PRKCB: variants seen among roughly 807,000 people sequenced by gnomAD.
The protein encoded by PRKCB is protein kinase C beta type.
Under a neutral mutation model 81.5 loss-of-function variants are expected in PRKCB, and 13 were observed. That is an observed-to-expected ratio of 0.16 (90% confidence interval 0.10 to 0.25). PRKCB has a LOEUF of 0.25. Among genes scored for constraint, PRKCB ranks in the 10% least tolerant of loss-of-function variants. PRKCB has a pLI of 1.00. For missense variants in PRKCB, 509 were observed against 875.7 expected, an observed-to-expected ratio of 0.58 and a Z score of 5.29; for synonymous variants, 335 against 321.4, an observed-to-expected ratio of 1.04 and a Z score of -0.45.
chr16:24,105,699 C>T (rs1966567739), intron 7 of PRKCB, among the ~76,000 whole-genome samples: 2 of 152,202 alleles, frequency 1.3e-5, no homozygotes, highest in African/African-American at 2.4e-5. Flanking sequence ...CTGCAAAGGA[C>T]ATGAACTCAT....
intron 9 of PRKCB, among the ~76,000 whole-genome samples, chr16:24,131,959 T>C (rs1454340176): frequency 2.0e-5 from 3 of 152,172 alleles, no homozygotes; most frequent in Non-Finnish European, 4.4e-5. Flanking sequence ...TTACAAAAAG[T>C]CTCTGTTCAT....
At chr16:24,031,396 C>A (rs1247251054) in intron 3 of PRKCB, among the ~76,000 whole-genome samples, 1 of 152,070 alleles carries the variant, frequency 6.6e-6, no homozygotes, top group Non-Finnish European at 1.5e-5. Context: ...ATCTTTGAAC[C>A]AGTGGGGAGA....
chr16:23,923,169 GA>G (rs772720703), intron 2 of PRKCB, among the ~76,000 whole-genome samples: 1 of 152,186 alleles, frequency 6.6e-6, no homozygotes, highest in Middle Eastern at 3.4e-3. Flanking sequence ...GCTTAATTCA[GA>G]AGGGAATTTA....
At position 24,037,686 on chromosome 16, in the gene PRKCB, A is replaced by G. The variant is rs180842172; in HGVS notation, c.529+2139A>G. 2.8e-4 allele frequency among the ~76,000 whole-genome samples: 42 copies of G among 152,170 alleles called. No individual in the cohort carries two copies. In the East Asian group the frequency reaches 7.7e-3, roughly 28 times the overall value. On this transcript the variant is annotated intron_variant, in intron 5 of 16. Coordinates refer to ENST00000643927, the MANE Select transcript of PRKCB (RefSeq NM_002738.7). The stretch of plus-strand genomic sequence containing the variant: ...CTTTGTTCTGATGTGGTACAGTACA[A>G]TATTTCTTCAAGTTCAAGGTCAAAG...
chr16:23,997,690 C>T (rs1596503955), intron 3 of PRKCB, among the ~76,000 whole-genome samples: 2 of 152,172 alleles, frequency 1.3e-5, no homozygotes, highest in East Asian at 1.9e-4. Flanking sequence ...ATTTTTATGT[C>T]TTAGTATTTA....
At chr16:24,009,586 G>A (rs1051576855) in intron 3 of PRKCB, among the ~76,000 whole-genome samples, 1 of 137,938 alleles carries the variant, frequency 7.2e-6, no homozygotes, top group Admixed American at 7.0e-5. Flanking sequence ...CACCACGCCC[G>A]GCCTATTTTT....
intron 5 of PRKCB, among the ~76,000 whole-genome samples, chr16:24,049,356 A>T (rs1377110428): frequency 2.9e-4 from 32 of 108,478 alleles, no homozygotes; most frequent in Middle Eastern, 6.3e-3. Context: ...CCTGCACCTT[A>T]ACCACTACCC....
In PRKCB at chr16:24,219,006, T is replaced by G. The variant is rs1448300473; in HGVS notation, c.*4190T>G. On this transcript the variant is annotated 3_prime_UTR_variant, in exon 17 of 17. Coordinates refer to ENST00000643927, the MANE Select transcript of PRKCB (RefSeq NM_002738.7). ...TATGTCATATATAGGAGGTGAGGAC[T>G]CCAGCTCCACCTGCCCCAGGTGGGT... The G allele has an allele frequency of 2.0e-6, 2 of 985,082 alleles. No individual in the cohort carries two copies. Among genetic ancestry groups the G allele is most frequent in the Non-Finnish European group, 2.4e-6 (2 of 829,780 alleles). 61.0% of individuals were successfully genotyped at this position (985,082 alleles called of 1,614,324 possible). A position where few individuals can be genotyped will look rare whatever the true frequency, so the allele number is the denominator to read the frequency against.
intron 2 of PRKCB, among the ~76,000 whole-genome samples, chr16:23,935,273 T>C (rs1964042672): frequency 6.6e-6 from 1 of 152,184 alleles, no homozygotes; most frequent in South Asian, 2.1e-4. Flanking sequence ...GCTCTCCAGG[T>C]GACTGTCATC....
chr16:24,045,982 G>A (rs1378039989), intron 5 of PRKCB, among the ~76,000 whole-genome samples: 2 of 152,228 alleles, frequency 1.3e-5, no homozygotes, highest in Non-Finnish European at 2.9e-5. Context: ...TGTCAGTCCC[G>A]CCAGGGCTGG....
chr16:23,976,535 C>T (rs1448622034), intron 2 of PRKCB, among the ~76,000 whole-genome samples: 6 of 152,188 alleles, frequency 3.9e-5, no homozygotes, highest in Non-Finnish European at 7.3e-5. Context: ...AGCTGGCCCA[C>T]ACAATCAGTG....
chr16:24,043,998 G>T (rs1854618413), intron 5 of PRKCB, among the ~76,000 whole-genome samples: 1 of 152,136 alleles, frequency 6.6e-6, no homozygotes, highest in South Asian at 2.1e-4. Flanking sequence ...TCTTTGAGAT[G>T]CAAAGAAAAC....
intron 15 of PRKCB, among the ~76,000 whole-genome samples, chr16:24,189,618 G>C (rs916068729): frequency 2.7e-5 from 4 of 149,312 alleles, no homozygotes; most frequent in Non-Finnish European, 4.4e-5. Flanking sequence ...CTCCAGCCTG[G>C]GTGACAGAGT....
chr16:24,218,651 A>AGC lies in PRKCB; in HGVS notation c.*3836_*3837insCG, dbSNP rs1468307356. On this transcript the variant is annotated 3_prime_UTR_variant, in exon 17 of 17. Transcript: ENST00000643927. The stretch of plus-strand genomic sequence containing the variant: ...GCAAAGGAGAGTGAACCCAGCAATG[A>AGC]GAGATCCTTAACAGCTAGTGCCCAT... 31 of 985,110 alleles carry AGC rather than the reference A, an allele frequency of 3.1e-5. No individual in the cohort carries two copies. The highest frequency in any genetic ancestry group is 3.5e-5 in the African/African-American group (2 of 57,142). The allele number at this position is 985,110 out of a possible 1,614,324, so 61.0% of individuals were successfully genotyped here.
chr16:24,125,106 TGTTACCTATAATTAATC>T (rs1381888923), intron 9 of PRKCB, among the ~76,000 whole-genome samples: 4 of 63,758 alleles, frequency 6.3e-5, no homozygotes, highest in Non-Finnish European at 1.1e-4. Context: ...ATCCCAATCT[TGTTACCTATAATTAATC>T]GTTACCTATA....
Position 24,020,969 on chromosome 16 carries a change from C to CTT in PRKCB, c.289-11164_289-11163dup, listed in dbSNP as rs1470901821. On this transcript the variant is annotated intron_variant, in intron 3 of 16. Transcript: ENST00000643927. ...CACAGCCCATTCAGACTGAGAGAGA[C>CTT]TTTTCTTTTTCTTTCTTTCTTTCTT... is the stretch of plus-strand genomic sequence containing the variant. 4.2e-3 allele frequency among the ~76,000 whole-genome samples: 518 copies of CTT among 123,752 alleles called. 3 individuals carry two copies. Among genetic ancestry groups the CTT allele is most frequent in the African/African-American group, 0.015 (489 of 32,160 alleles). 81.2% of individuals were successfully genotyped at this position (123,752 alleles called of 152,430 possible).
intron 2 of PRKCB, among the ~76,000 whole-genome samples, chr16:23,912,617 A>C (rs2141734964): frequency 7.4e-6 from 1 of 134,274 alleles, no homozygotes; most frequent in Admixed American, 8.4e-5. Context: ...GGTTCCAGCG[A>C]TTCTCCTGCC....
intron 9 of PRKCB, among the ~76,000 whole-genome samples, chr16:24,148,159 G>A (rs1025318423): frequency 2.9e-4 from 44 of 152,326 alleles, no homozygotes; most frequent in Admixed American, 4.6e-4. Context: ...TCCTAAGGAA[G>A]CACTGTTCTT....
intron 2 of PRKCB, among the ~76,000 whole-genome samples, chr16:23,854,957 T>A (rs957477336): frequency 6.6e-6 from 1 of 152,074 alleles, no homozygotes; most frequent in South Asian, 2.1e-4. Flanking sequence ...TAGGGCCAGA[T>A]GAGATGCTGT....
Sources: allele counts gnomAD v4.1 joint callset (sites outside exome capture counted in the v4.1 genomes callset), GRCh38; gene constraint gnomAD v4.1.1; transcripts MANE v1.5; gene names NCBI Gene and HGNC (gene_info 2026-07-23, HGNC 2026-07-21).